The following PRKD1 variants were observed in gnomAD, a reference collection of about 807,000 sequenced individuals.
PRKD1 encodes serine/threonine-protein kinase D1.
A neutral mutation model predicts 95.9 loss-of-function variants in PRKD1; 63 were observed. That is an observed-to-expected ratio of 0.66 (90% confidence interval 0.54 to 0.81). PRKD1 has a LOEUF of 0.81. PRKD1 is among the 30% of genes least tolerant of loss of function. PRKD1 has a pLI of 0.00. For synonymous variants in PRKD1, 425 were observed against 423.1 expected (o/e 1.00, Z -0.05); for missense variants, 1,048 against 1,165.3 (o/e 0.90, Z 1.47).
intron 15 of PRKD1, 56 bp downstream of exon 15, chr14:29,598,971 T>G: frequency 7.2e-7 from 1 of 1,394,462 alleles, no homozygotes; most frequent in Non-Finnish European, 1.0e-6. Context: ...AGATGCTACA[T>G]GGAAGCTAGC....
chr14:29,902,588 G>T (rs1037204549), intron 1 of PRKD1, among the ~76,000 whole-genome samples: 2 of 152,158 alleles, frequency 1.3e-5, no homozygotes, highest in African/African-American at 4.8e-5. Context: ...CTCCAAGATT[G>T]AGATATTATT....
At chr14:29,822,337 C>T (rs949902660) in intron 1 of PRKD1, among the ~76,000 whole-genome samples, 1 of 152,198 alleles carries the variant, frequency 6.6e-6, no homozygotes, top group South Asian at 2.1e-4. Context: ...ATCTGAATTT[C>T]ATCTTACGGG....
chr14:29,638,567 C>T lies in PRKD1; in HGVS notation c.908-1G>A. On this transcript the variant is annotated splice_acceptor_variant, in intron 5 of 17. Coordinates refer to ENST00000331968, the MANE Select transcript of PRKD1 (RefSeq NM_002742.3). LOFTEE classifies it high-confidence loss of function. ...CGTTTATGGCAGTTGAATCTGCAAT[C>T]TAATCCCAGTGATTTTCAAACAAAA... is the stretch of plus-strand genomic sequence containing the variant. 2 of 1,614,146 alleles carry T rather than the reference C, an allele frequency of 1.2e-6. No homozygotes were observed. The highest frequency in any genetic ancestry group is 1.7e-6 in the Non-Finnish European group (2 of 1,180,006).
At chr14:29,902,690 T>G (rs575844540) in intron 1 of PRKD1, among the ~76,000 whole-genome samples, 1 of 152,366 alleles carries the variant, frequency 6.6e-6, no homozygotes, top group African/African-American at 2.4e-5. Flanking sequence ...AAATGAAATC[T>G]GTACCCATAG....
At chr14:29,613,446 A>AT (rs1220180597) in intron 13 of PRKD1, among the ~76,000 whole-genome samples, 2 of 152,186 alleles carry the variant, frequency 1.3e-5, no homozygotes, top group African/African-American at 4.8e-5. Context: ...ACAAAAAAAA[A>AT]TGATGGTAAG....
intron 2 of PRKD1, among the ~76,000 whole-genome samples, chr14:29,722,281 C>T (rs1207840277): frequency 6.6e-6 from 1 of 152,166 alleles, no homozygotes. Flanking sequence ...AAATGCAGCA[C>T]CCTTCGTGTC....
chr14:29,830,421 T>TA (rs984546283), intron 1 of PRKD1, among the ~76,000 whole-genome samples: 1 of 152,164 alleles, frequency 6.6e-6, no homozygotes, highest in African/African-American at 2.4e-5. Flanking sequence ...CTCATTTATT[T>TA]AAGGAATCCA....
intron 1 of PRKD1, among the ~76,000 whole-genome samples, chr14:29,849,077 C>T (rs2139333541): frequency 6.6e-6 from 1 of 152,330 alleles, no homozygotes; most frequent in Non-Finnish European, 1.5e-5. Flanking sequence ...CCACCAAAAT[C>T]TCATGTCAAA....
intron 1 of PRKD1, among the ~76,000 whole-genome samples, chr14:29,726,034 TA>T (rs1477123582): frequency 6.6e-6 from 1 of 152,076 alleles, no homozygotes; most frequent in African/African-American, 2.4e-5. Context: ...TCCAGTAACA[TA>T]AAAAATGGGA....
intron 16 of PRKD1, among the ~76,000 whole-genome samples, chr14:29,594,437 G>A (rs1182495412): frequency 6.6e-6 from 1 of 152,030 alleles, no homozygotes; most frequent in South Asian, 2.1e-4. Flanking sequence ...CTCACCCCAC[G>A]CCTGCCTTTA....
At chr14:29,811,881 G>A (rs1351599183) in intron 1 of PRKD1, 1 of 152,164 alleles carries the variant, frequency 6.6e-6, no homozygotes, top group Non-Finnish European at 1.5e-5. Flanking sequence ...ACTGAGTAAT[G>A]AAGCCAGTCC....
chr14:29,853,972 T>C (rs1892405639), intron 1 of PRKD1, among the ~76,000 whole-genome samples: 1 of 152,336 alleles, frequency 6.6e-6, no homozygotes. Flanking sequence ...TCCCCAGCCA[T>C]GTAGAACTGT....
At chr14:29,702,738 C>T (rs1350288625) in intron 2 of PRKD1, among the ~76,000 whole-genome samples, 1 of 151,924 alleles carries the variant, frequency 6.6e-6, no homozygotes, top group East Asian at 1.9e-4. Flanking sequence ...TGTCCTTTAG[C>T]GAAGTAATTA....
At chr14:29,645,336 T>C (rs537273204) in intron 4 of PRKD1, among the ~76,000 whole-genome samples, 1 of 152,218 alleles carries the variant, frequency 6.6e-6, no homozygotes, top group African/African-American at 2.4e-5. Context: ...GTCATGCATG[T>C]TTTCCAGAAC....
chr14:29,874,305 T>C (rs1370930472), intron 1 of PRKD1, among the ~76,000 whole-genome samples: 1 of 152,152 alleles, frequency 6.6e-6, no homozygotes, highest in Non-Finnish European at 1.5e-5. Context: ...TTAGAATGGC[T>C]TTTAAAAAGA....
At chr14:29,664,731 A>G (rs540684353) in intron 3 of PRKD1, among the ~76,000 whole-genome samples, 1 of 152,336 alleles carries the variant, frequency 6.6e-6, no homozygotes, top group South Asian at 2.1e-4. Flanking sequence ...AATAGAGTAC[A>G]ATTGCGCCAG....
chr14:29,848,664 T>C (rs1337344090), intron 1 of PRKD1, among the ~76,000 whole-genome samples: 1 of 150,742 alleles, frequency 6.6e-6, no homozygotes, highest in Non-Finnish European at 1.5e-5. Flanking sequence ...TGTCTGATTC[T>C]CAACAAAAAA....
chr14:29,920,172 G>T (rs1895052002), intron 1 of PRKD1, among the ~76,000 whole-genome samples: 1 of 151,960 alleles, frequency 6.6e-6, no homozygotes, highest in African/African-American at 2.4e-5. Context: ...AAGGAAGGAA[G>T]GAAGCACTTG....
chr14:29,623,403 G>A (rs10149837), intron 13 of PRKD1, among the ~76,000 whole-genome samples: 4,646 of 152,170 alleles, frequency 0.031, 211 homozygotes, highest in African/African-American at 0.098. Context: ...AAAAAAAATT[G>A]TCCGTTAAAA....
Sources: allele counts gnomAD v4.1 joint callset (sites outside exome capture counted in the v4.1 genomes callset), GRCh38; gene constraint gnomAD v4.1.1; transcripts MANE v1.5; gene names NCBI Gene and HGNC (gene_info 2026-07-23, HGNC 2026-07-21).